AKAP13: variants seen among roughly 807,000 people sequenced by gnomAD.
AKAP13 encodes the protein A-kinase anchoring protein 13.
A neutral mutation model predicts 264.5 loss-of-function variants in AKAP13; 80 were observed. The observed-to-expected ratio is 0.30, with a 90% CI of 0.25 to 0.36. The LOEUF is 0.36. Among genes scored for constraint, AKAP13 ranks in the 10% least tolerant of loss-of-function variants. The pLI is 1.00. For missense variants in AKAP13, 3,712 were observed against 3,435.2 expected, an observed-to-expected ratio of 1.08 and a Z score of -2.01; for synonymous variants, 1,380 against 1,250.2, an observed-to-expected ratio of 1.10 and a Z score of -2.19.
intron 1 of AKAP13, among the ~76,000 whole-genome samples, chr15:85,452,246 AT>A (rs1567064229): frequency 7.1e-6 from 1 of 141,574 alleles, no homozygotes; most frequent in African/African-American, 2.6e-5. Flanking sequence ...AATACTGGTT[AT>A]TTCATCCTTC....
chr15:85,467,937 A>G (rs1182419189), intron 1 of AKAP13, among the ~76,000 whole-genome samples: 1 of 152,190 alleles, frequency 6.6e-6, no homozygotes, highest in Non-Finnish European at 1.5e-5. Flanking sequence ...TGAGGAGGAC[A>G]TTTTTGATGC....
At chr15:85,529,058 T>G (rs900813457) in intron 3 of AKAP13, among the ~76,000 whole-genome samples, 9 of 152,206 alleles carry the variant, frequency 5.9e-5, no homozygotes, top group Non-Finnish European at 1.2e-4. Flanking sequence ...AAAGTTAGAT[T>G]GTGGTTATTA....
intron 30 of AKAP13, among the ~76,000 whole-genome samples, chr15:85,733,959 G>T (rs1222137158): frequency 2.2e-5 from 3 of 139,242 alleles, no homozygotes; most frequent in Admixed American, 1.5e-4. Context: ...CTCAGCCTCA[G>T]CCTCCTGAGT....
chr15:85,713,922 T>C (rs1597149225), intron 19 of AKAP13, among the ~76,000 whole-genome samples: 3 of 152,264 alleles, frequency 2.0e-5, no homozygotes, highest in Admixed American at 2.0e-4. Flanking sequence ...ATCTCCAGTT[T>C]CCTCTTTAGT....
At chr15:85,665,445 A>G (rs2083539687) in intron 13 of AKAP13, among the ~76,000 whole-genome samples, 1 of 152,236 alleles carries the variant, frequency 6.6e-6, no homozygotes, top group Admixed American at 6.5e-5. Flanking sequence ...GAAAAAAATT[A>G]AAAACAAAAC....
chr15:85,670,914 G>C (rs1225256137), intron 14 of AKAP13: 1 of 152,180 alleles, frequency 6.6e-6, no homozygotes, highest in African/African-American at 2.4e-5. Flanking sequence ...GATTGGATCA[G>C]TGTTGTTTGT....
chr15:85,456,300 C>G (rs2074275976), intron 1 of AKAP13, among the ~76,000 whole-genome samples: 1 of 152,110 alleles, frequency 6.6e-6, no homozygotes, highest in African/African-American at 2.4e-5. Flanking sequence ...ACAGACCTTT[C>G]TGCTTTGAAT....
intron 8 of AKAP13, among the ~76,000 whole-genome samples, chr15:85,623,895 G>C (rs2081297986): frequency 6.6e-6 from 1 of 152,224 alleles, no homozygotes; most frequent in Admixed American, 6.5e-5. Context: ...GTAATTGTTG[G>C]CATGGGCCCT....
intron 14 of AKAP13, chr15:85,676,832 A>T (rs2084255115): frequency 1.4e-6 from 1 of 693,488 alleles, no homozygotes; most frequent in Non-Finnish European, 1.8e-6. Context: ...GGAGATGAGA[A>T]TGTAAACAAA....
At chr15:85,453,767 G>C (rs2074179159) in intron 1 of AKAP13, among the ~76,000 whole-genome samples, 1 of 152,140 alleles carries the variant, frequency 6.6e-6, no homozygotes, top group African/African-American at 2.4e-5. Context: ...TCCTCCGGAA[G>C]CTTTGTTCCA....
At chr15:85,744,597 T>A (rs374699375) in intron 36 of AKAP13, 31 bp from the exon 37 acceptor site, 2 of 1,612,712 alleles carry the variant, frequency 1.2e-6, no homozygotes, top group South Asian at 2.2e-5. Context: ...TTTTTCTGAA[T>A]TTTTTTCATT....
intron 5 of AKAP13, among the ~76,000 whole-genome samples, chr15:85,557,621 C>G (rs993888526): frequency 2.6e-5 from 4 of 152,124 alleles, no homozygotes; most frequent in African/African-American, 9.7e-5. Context: ...CGCACCACCA[C>G]TAACTAACGC....
intron 8 of AKAP13, among the ~76,000 whole-genome samples, chr15:85,586,753 C>G (rs924534961): frequency 1.3e-5 from 2 of 151,984 alleles, no homozygotes; most frequent in African/African-American, 4.8e-5. Flanking sequence ...TGGTGAAACC[C>G]TGTTTTTACT....
intron 29 of AKAP13, among the ~76,000 whole-genome samples, chr15:85,728,843 T>TA (rs1056539072): frequency 5.8e-4 from 87 of 149,740 alleles, no homozygotes; most frequent in African/African-American, 1.7e-3. Flanking sequence ...CTCATGTAAT[T>TA]AAAAAAAAAA....
At position 85,531,698 on chromosome 15, in the gene AKAP13, A is replaced by C. The variant is rs141906583; in HGVS notation, c.182-1886A>C. Among the ~76,000 whole-genome samples the C allele has an allele frequency of 2.8e-3, 429 of 152,334 alleles. 1 individual carries two copies. The highest frequency in any genetic ancestry group is 0.014 in the Middle Eastern group (4 of 294). On this transcript the variant is annotated intron_variant, in intron 3 of 36. Coordinates refer to ENST00000394518, the MANE Select transcript of AKAP13 (RefSeq NM_007200.5). ...TGCACGTGCTCGCACTTGCACACAC[A>C]CACCAGGCAGCGGATGCTTCAGCTT...
intron 5 of AKAP13, among the ~76,000 whole-genome samples, chr15:85,558,157 G>T (rs1351868843): frequency 6.6e-6 from 1 of 152,160 alleles, no homozygotes; most frequent in Non-Finnish European, 1.5e-5. Flanking sequence ...AGTAATTTGA[G>T]AAGTTCTCTG....
At chr15:85,721,866 C>T in intron 23 of AKAP13, 125 bp from the exon 24 acceptor site, 1 of 1,460,648 alleles carries the variant, frequency 6.8e-7, no homozygotes, top group Non-Finnish European at 9.2e-7. Context: ...TGCACCATTT[C>T]ATTCTTTTGG....
chr15:85,639,570 G>T, intron 9 of AKAP13, 121 bp downstream of exon 9: 1 of 745,706 alleles, frequency 1.3e-6, no homozygotes, highest in Non-Finnish European at 2.3e-6. Flanking sequence ...GGATGTATGT[G>T]ATCTGGGTTT....
At chr15:85,646,101 T>C (rs775565769) in intron 10 of AKAP13, 147 bp downstream of exon 10, 17 of 1,023,412 alleles carry the variant, frequency 1.7e-5, no homozygotes, top group Non-Finnish European at 2.1e-5. Flanking sequence ...GTGATCCAGC[T>C]AGCCTTGTAG....
Sources: allele counts gnomAD v4.1 joint callset (sites outside exome capture counted in the v4.1 genomes callset), GRCh38; gene constraint gnomAD v4.1.1; transcripts MANE v1.5; gene names NCBI Gene and HGNC (gene_info 2026-07-23, HGNC 2026-07-21).